Variants in IL4I1 observed in about 807,000 individuals in gnomAD.
IL4I1 encodes the protein interleukin 4 induced 1.
A neutral mutation model predicts 29.7 loss-of-function variants in IL4I1; 24 were observed. The observed-to-expected ratio is 0.81, with a 90% confidence interval of 0.59 to 1.14. The LOEUF is 1.14. IL4I1 is among the 50% of genes most tolerant of loss of function. IL4I1 has a pLI of 0.00. For missense variants in IL4I1, 686 were observed against 785.6 expected, an observed-to-expected ratio of 0.87 and a Z score of 1.52; for synonymous variants, 371 against 352.5, an observed-to-expected ratio of 1.05 and a Z score of -0.59.
intron 5 of IL4I1, among the ~76,000 whole-genome samples, chr19:49,892,531 C>T (rs2075152956): frequency 6.6e-6 from 1 of 152,226 alleles, no homozygotes; most frequent in African/African-American, 2.4e-5. Context: ...ACCACCTGCC[C>T]TCAGGGCTCT....
chr19:49,926,685 CT>C (rs780993915), intron 2 of IL4I1, among the ~76,000 whole-genome samples: 1 of 152,206 alleles, frequency 6.6e-6, no homozygotes, highest in Non-Finnish European at 1.5e-5. Flanking sequence ...TTAATTCCAT[CT>C]GCTTTTGTTC....
intron 3 of IL4I1, 81 bp downstream of exon 3, chr19:49,895,734 A>G: frequency 1.5e-6 from 1 of 651,502 alleles, no homozygotes; most frequent in Non-Finnish European, 2.7e-6. Flanking sequence ...CTCAAGGAGG[A>G]ACGCGGCCGT....
chr19:49,899,625 T>C (rs1017319929), upstream of IL4I1, among the ~76,000 whole-genome samples: 6 of 151,834 alleles, frequency 4.0e-5, no homozygotes, highest in South Asian at 1.0e-3. Context: ...GGCGCTATCT[T>C]GGCTCACTGC....
intron 5 of IL4I1, 49 bp downstream of exon 5, chr19:49,894,216 TAGG>T (rs2075175119): frequency 3.2e-6 from 5 of 1,554,468 alleles, no homozygotes; most frequent in South Asian, 1.2e-5. Context: ...GGGGCGAGCT[TAGG>T]AGGAGGACAG....
chr19:49,914,150 G>GCAAAAAA (rs1410921464), intron 2 of IL4I1, among the ~76,000 whole-genome samples: 1 of 151,950 alleles, frequency 6.6e-6, no homozygotes, highest in Non-Finnish European at 1.5e-5. Flanking sequence ...GGAGTTTGAG[G>GCAAAAAA]CAAAAAACAA....
intron 2 of IL4I1, among the ~76,000 whole-genome samples, chr19:49,920,534 G>GACGA: frequency 6.6e-6 from 1 of 152,272 alleles, no homozygotes; most frequent in South Asian, 2.1e-4. Flanking sequence ...CCAACCAACC[G>GACGA]ACCAACCAAC....
At chr19:49,927,402 G>A (rs1296903855) in intron 2 of IL4I1, among the ~76,000 whole-genome samples, 1 of 151,996 alleles carries the variant, frequency 6.6e-6, no homozygotes, top group East Asian at 1.9e-4. Context: ...AAAAAAAATC[G>A]CAAAAAATTC....
intron 3 of IL4I1, 91 bp downstream of exon 3, chr19:49,895,724 C>G (rs574053038): frequency 5.1e-6 from 6 of 1,166,888 alleles, no homozygotes; most frequent in East Asian, 5.3e-5. Context: ...CCTCCACCCC[C>G]TCAAGGAGGA....
intron 2 of IL4I1, among the ~76,000 whole-genome samples, chr19:49,918,901 G>GGGGC (rs2075693391): frequency 6.7e-6 from 1 of 149,318 alleles, no homozygotes; most frequent in South Asian, 2.4e-4. Flanking sequence ...AGGCTGGGGG[G>GGGGC]GGGGGGGCGG....
At chr19:49,905,626 C>T (rs576042960) in intron 2 of IL4I1, among the ~76,000 whole-genome samples, 9 of 152,240 alleles carry the variant, frequency 5.9e-5, no homozygotes, top group Admixed American at 3.3e-4. Flanking sequence ...GACGAAGTTT[C>T]GCTTTTGTTG....
At chr19:49,894,073 C>T (rs979145222) in intron 5 of IL4I1, among the ~76,000 whole-genome samples, 195 bp downstream of exon 5, 3 of 151,522 alleles carry the variant, frequency 2.0e-5, no homozygotes, top group Non-Finnish European at 4.4e-5. Context: ...TTCTCATTCT[C>T]GGATTTCAGT....
chr19:49,920,360 C>T (rs1383580363), intron 2 of IL4I1, among the ~76,000 whole-genome samples: 3 of 152,198 alleles, frequency 2.0e-5, no homozygotes, highest in Non-Finnish European at 2.9e-5. Context: ...GGATTACAGG[C>T]GTGAGCCACC....
At chr19:49,896,079 G>C (rs568859214) in intron 2 of IL4I1, 26 bp from the exon 3 acceptor site, 1 of 1,609,458 alleles carries the variant, frequency 6.2e-7, no homozygotes, top group Non-Finnish European at 8.5e-7. Flanking sequence ...CAGGGTCAAC[G>C]GGGTTGTGGC....
At chr19:49,926,707 A>C (rs2075899984) in intron 2 of IL4I1, among the ~76,000 whole-genome samples, 1 of 152,198 alleles carries the variant, frequency 6.6e-6, no homozygotes, top group South Asian at 2.1e-4. Flanking sequence ...AAAAATCTAT[A>C]CAGCAATGGA....
At position 49,891,444 on chromosome 19, in the gene IL4I1, G is replaced by A. The variant is rs201334467; in HGVS notation, c.597C>T (p.Cys199=). 1 of 1,614,142 alleles carries A rather than the reference G, an allele frequency of 6.2e-7. No homozygotes were observed. Among genetic ancestry groups the A allele is most frequent in the Non-Finnish European group, 8.5e-7 (1 of 1,180,010 alleles). The change falls in exon 6 of 8, where the codon TGC becomes TGT. Residue 199 remains cysteine, a synonymous_variant. Coordinates refer to ENST00000391826, the MANE Select transcript of IL4I1 (RefSeq NM_152899.2). ...QALKDLKALG[C]RKAMKKFERH... ...TTTCAAACTTCTTCATCGCCTTTCT[G>A]CAGCCCAGTGCCTTGAGGTCTTTGA...
chr19:49,926,855 C>CT (rs57084948), intron 2 of IL4I1, among the ~76,000 whole-genome samples: 43 of 125,626 alleles, frequency 3.4e-4, no homozygotes, highest in South Asian at 1.3e-3. Context: ...GAAGTAGGTA[C>CT]TTTTTTTTTT....
In IL4I1 at chr19:49,925,091, G is replaced by A. The variant is rs189319907; in HGVS notation, c.-228+2603C>T. On this transcript the variant is annotated intron_variant, in intron 2 of 9. Coordinates refer to the IL4I1 transcript ENST00000341114. ...AGCCTGACCAACATGGAGAAACCCC[G>A]TCTCTACTAAAAATACAAAATTAGC... Among the ~76,000 whole-genome samples, 9 of 151,936 alleles carry A rather than the reference G, an allele frequency of 5.9e-5. No individual in the cohort carries two copies. The East Asian group carries it at 1.4e-3, about 23-fold the overall frequency.
chr19:49,907,357 C>T (rs2075344582), intron 2 of IL4I1: 1 of 319,994 alleles, frequency 3.1e-6, no homozygotes, highest in Non-Finnish European at 6.0e-6. Context: ...TCTCGGCGCC[C>T]ATCTGTGGTT....
intron 3 of IL4I1, among the ~76,000 whole-genome samples, chr19:49,903,830 GTTTTTTTTTT>G (rs113175852): frequency 9.0e-5 from 6 of 66,512 alleles, no homozygotes; most frequent in Admixed American, 2.0e-4. Flanking sequence ...TATGTGCTGG[GTTTTTTTTTT>G]TTTTTTTTTT....
Sources: gnomAD v4.1 joint callset for allele counts (sites outside exome capture counted in the v4.1 genomes callset) on GRCh38, gnomAD v4.1.1 for gene constraint, MANE v1.5 for transcripts, NCBI Gene and HGNC (gene_info 2026-07-23, HGNC 2026-07-21) for gene names.